Variants in NF2 observed in about 807,000 individuals in gnomAD.
The protein encoded by NF2 is NF2, moesin-ezrin-radixin like (MERLIN) tumor suppressor.
In NF2, 8 loss-of-function variants were observed where a neutral mutation model predicts 83.7. The ratio of observed to expected loss-of-function variants is 0.10; its 90% CI spans 0.06 to 0.17. The LOEUF is 0.17. Among genes scored for constraint, NF2 ranks in the 10% least tolerant of loss-of-function variants. The pLI, the probability that NF2 is intolerant of heterozygous loss-of-function variation, is 1.00. For synonymous variants in NF2, 266 were observed against 269.6 expected, an observed-to-expected ratio of 0.99 and a Z score of 0.13; for missense variants, 533 against 744.4, an observed-to-expected ratio of 0.72 and a Z score of 3.31.
chr22:29,661,823 T>C (rs2066486714), intron 8 of NF2, among the ~76,000 whole-genome samples: 3 of 152,188 alleles, frequency 2.0e-5, no homozygotes, highest in Non-Finnish European at 2.9e-5. Flanking sequence ...GAGCTTTCTT[T>C]CTGTGTCCGG....
Position 29,695,363 on chromosome 22 carries a change from C to T in NF2, c.*561C>T, listed in dbSNP as rs776610927. ...TCGTGACGAGCAAGTGCTGGGTCCC[C>T]GCCAGGCACCCCGAGGCGGCGCTCT... On this transcript the variant is annotated 3_prime_UTR_variant, in exon 16 of 16. Transcript: ENST00000338641. The surrounding 1 kb of genome is among the most constrained non-coding windows in gnomAD (Gnocchi z 5.4). The T allele has an allele frequency of 1.5e-5, 4 of 258,602 alleles. No homozygotes were observed. Among genetic ancestry groups the T allele is most frequent in the Middle Eastern group, 1.1e-3 (1 of 876 alleles). The allele number at this position is 258,602 out of a possible 1,614,324, so 16.0% of individuals were successfully genotyped here. A position where few individuals can be genotyped will look rare whatever the true frequency, so the allele number is the denominator to read the frequency against.
chr22:29,675,012 T>G, intron 13 of NF2, 71 bp downstream of exon 13: 1 of 1,352,838 alleles, frequency 7.4e-7, no homozygotes, highest in Non-Finnish European at 1.0e-6. Context: ...GGCCCTTCAG[T>G]TCATCTGGCG....
intron 4 of NF2, among the ~76,000 whole-genome samples, chr22:29,652,078 A>G (rs1569291669): frequency 6.6e-6 from 1 of 152,066 alleles, no homozygotes; most frequent in Non-Finnish European, 1.5e-5. Context: ...CATCCCCTAT[A>G]AGGCAGATGC....
chr22:29,632,512 G>A (rs138358283), intron 1 of NF2, among the ~76,000 whole-genome samples: 61 of 152,324 alleles, frequency 4.0e-4, no homozygotes, highest in African/African-American at 1.4e-3. Context: ...CGATGAAGGA[G>A]GTGATTATCT....
At chr22:29,635,513 A>G (rs1387423339) in intron 1 of NF2, among the ~76,000 whole-genome samples, 2 of 152,116 alleles carry the variant, frequency 1.3e-5, no homozygotes, top group East Asian at 1.9e-4. Flanking sequence ...GTATTTTACT[A>G]GAGACAGGGT....
At chr22:29,683,991 T>C in intron 15 of NF2, 1 of 926,398 alleles carries the variant, frequency 1.1e-6, no homozygotes, top group Non-Finnish European at 1.3e-6. Flanking sequence ...ATGTGTCCTT[T>C]GGAGTCTTCC....
chr22:29,670,503 T>TTGTGTG (rs131255), intron 10 of NF2, among the ~76,000 whole-genome samples: 18,258 of 146,288 alleles, frequency 0.12, 1,215 homozygotes, highest in South Asian at 0.15. Flanking sequence ...CTTTTTGAGC[T>TTGTGTG]TGTGTGTGTG....
chr22:29,688,811 G>A (rs924542466), intron 15 of NF2, among the ~76,000 whole-genome samples: 1 of 152,246 alleles, frequency 6.6e-6, no homozygotes, highest in African/African-American at 2.4e-5. Context: ...TGTAGGATAA[G>A]TGTGTGGATA....
At chr22:29,686,832 C>T (rs2067281980) in intron 15 of NF2, among the ~76,000 whole-genome samples, 1 of 152,046 alleles carries the variant, frequency 6.6e-6, no homozygotes, top group Non-Finnish European at 1.5e-5. Context: ...TCAAAAGCCG[C>T]CCTGGGGAAC....
chr22:29,657,952 G>A (rs113716643), intron 6 of NF2, among the ~76,000 whole-genome samples: 4 of 152,180 alleles, frequency 2.6e-5, no homozygotes, highest in South Asian at 2.1e-4. Context: ...AAGAAACTCC[G>A]TGATGAGTCT....
intron 1 of NF2, among the ~76,000 whole-genome samples, chr22:29,626,879 T>A (rs2146798408): frequency 6.6e-6 from 1 of 152,366 alleles, no homozygotes; most frequent in South Asian, 2.1e-4. Flanking sequence ...TTATTCTCAG[T>A]ATATCACACA....
At chr22:29,677,599 G>A in intron 13 of NF2, among the ~76,000 whole-genome samples, 1 of 151,772 alleles carries the variant, frequency 6.6e-6, no homozygotes, top group African/African-American at 2.4e-5. Context: ...GCCCTTTGTG[G>A]TGGTGCCCAT....
Position 29,636,778 on chromosome 22 carries a change from G to A in NF2, c.142G>A (p.Asp48Asn), listed in dbSNP as rs1352608076. 5.6e-6 allele frequency: 9 copies of A among 1,614,058 alleles called. No individual in the cohort carries two copies. The highest frequency in any genetic ancestry group is 7.6e-6 in the Non-Finnish European group (9 of 1,180,038). ...EMKWKGKDLFDLVCRTLGLRE... is the reference protein window; with the variant it reads ...EMKWKGKDLFNLVCRTLGLRE... The stretch of plus-strand genomic sequence containing the variant: ...GAAGTGGAAAGGGAAGGACCTCTTT[G>A]ATTTGGTGTGCCGGACTCTGGGGCT... The change falls in exon 2 of 16, where the codon GAT becomes AAT. Residue 48 changes from aspartate to asparagine, a missense_variant. This residue lies in a region of NF2 where 326 missense variants were observed against 475.1 expected (regional missense o/e 0.69). Transcript: ENST00000338641. This position sits in a 1 kb window ranked among gnomAD's most constrained non-coding sequence, Gnocchi z 4.4.
chr22:29,654,022 G>A (rs961714674), intron 4 of NF2, among the ~76,000 whole-genome samples: 2 of 151,698 alleles, frequency 1.3e-5, no homozygotes, highest in Admixed American at 6.6e-5. Context: ...AAATTTCCAA[G>A]TCATTGTCCC....
intron 8 of NF2, among the ~76,000 whole-genome samples, chr22:29,662,193 A>T (rs1266417739): frequency 6.6e-6 from 1 of 152,166 alleles, no homozygotes; most frequent in Admixed American, 6.5e-5. Context: ...ATGCAGTGGC[A>T]CATGATCACG....
At chr22:29,692,783 AT>A (rs2067441893) in intron 15 of NF2, among the ~76,000 whole-genome samples, 1 of 152,304 alleles carries the variant, frequency 6.6e-6, no homozygotes, top group Admixed American at 6.5e-5. Context: ...TGATGTTGCT[AT>A]TAGCAATAAC....
chr22:29,672,059 T>G (rs1203958530), intron 11 of NF2, 111 bp downstream of exon 11: 10 of 1,479,312 alleles, frequency 6.8e-6, no homozygotes, highest in Non-Finnish European at 8.4e-6. Flanking sequence ...TTGAAATACT[T>G]AATTTCAGCT....
chr22:29,652,885 TAGAG>T (rs1474360517), intron 4 of NF2, among the ~76,000 whole-genome samples: 4 of 152,138 alleles, frequency 2.6e-5, no homozygotes, highest in Admixed American at 2.0e-4. Flanking sequence ...CTCCCAGAAA[TAGAG>T]AGATACCAAG....
At chr22:29,687,971 G>A (rs75663747) in intron 15 of NF2, among the ~76,000 whole-genome samples, 107 of 152,302 alleles carry the variant, frequency 7.0e-4, no homozygotes, top group African/African-American at 2.2e-3. Context: ...TGCTCCTCCC[G>A]GATGGGACAC....
Sources: gnomAD v4.1 joint callset for allele counts (sites outside exome capture counted in the v4.1 genomes callset) on GRCh38, gnomAD v4.1.1 for gene constraint, gnomAD v4.1.1 regional missense constraint, Gnocchi (gnomAD v3.1) non-coding constraint, MANE v1.5 for transcripts, NCBI Gene and HGNC (gene_info 2026-07-23, HGNC 2026-07-21) for gene names.